The following MED21 variants were observed in gnomAD, a reference collection of about 807,000 sequenced individuals.
The protein encoded by MED21 is mediator of RNA polymerase II transcription subunit 21.
Under a neutral mutation model 18.2 loss-of-function variants are expected in MED21, and 9 were observed. That is an observed-to-expected ratio of 0.49 (90% CI 0.30 to 0.86). MED21 has a LOEUF of 0.86. MED21 is among the 40% of genes least tolerant of loss of function. MED21 has a pLI of 0.07. For synonymous variants in MED21, 73 were observed against 60.5 expected, an observed-to-expected ratio of 1.21 and a Z score of -0.96; for missense variants, 150 against 170.9, an observed-to-expected ratio of 0.88 and a Z score of 0.68.
intron 1 of MED21, among the ~76,000 whole-genome samples, chr12:27,025,897 C>A (rs1475856181): frequency 6.6e-6 from 1 of 152,174 alleles, no homozygotes; most frequent in Non-Finnish European, 1.5e-5. Context: ...TGAACAAATA[C>A]ATTTCTGCTT....
At chr12:27,031,578 T>G (rs1322630312), downstream of MED21, among the ~76,000 whole-genome samples, 1 of 152,164 alleles carries the variant, frequency 6.6e-6, no homozygotes, top group East Asian at 1.9e-4. Flanking sequence ...CATTATTGCT[T>G]TTTAATCCAG....
In MED21 at chr12:27,029,624, G is replaced by A. The variant is rs1422194058; in HGVS notation, c.*1163G>A. 1.0e-6 allele frequency: 1 copy of A among 985,394 alleles called. No homozygotes were observed. The highest frequency in any genetic ancestry group is 1.2e-6 in the Non-Finnish European group (1 of 829,892). 61.0% of individuals were successfully genotyped at this position (985,394 alleles called of 1,614,324 possible). A position where few individuals can be genotyped will look rare whatever the true frequency, so the allele number is the denominator to read the frequency against. ...TTCCACAGTTCTTGAAAAGTACTAT[G>A]TTTCAAATTTCAGGAACACCAGCGT... On this transcript the variant is annotated 3_prime_UTR_variant, in exon 4 of 4. Coordinates refer to ENST00000282892, the MANE Select transcript of MED21 (RefSeq NM_004264.5).
At chr12:27,032,770 T>C (rs1361175731), downstream of MED21, among the ~76,000 whole-genome samples, 2 of 152,216 alleles carry the variant, frequency 1.3e-5, no homozygotes, top group Non-Finnish European at 2.9e-5. Flanking sequence ...GTTGAACTAT[T>C]TGTACCCATA....
Position 27,028,660 on chromosome 12 carries a change from C to CCT in MED21, c.*199_*200insCT. ...AATCATGATTGAATCAGCTTTAAAG[C>CCT]ATCATACCATCATTTTTTAACTGAG... On this transcript the variant is annotated 3_prime_UTR_variant, in exon 4 of 4. Coordinates refer to ENST00000282892, the MANE Select transcript of MED21 (RefSeq NM_004264.5). 1 of 1,236,264 alleles carries CCT rather than the reference C, an allele frequency of 8.1e-7. No homozygotes were observed. The highest frequency in any genetic ancestry group is 1.0e-6 in the Non-Finnish European group (1 of 986,166). The allele number at this position is 1,236,264 out of a possible 1,614,324, so 76.6% of individuals were successfully genotyped here.
intron 2 of MED21, 95 bp from the exon 3 acceptor site, chr12:27,027,252 A>G: frequency 1.0e-5 from 8 of 792,920 alleles, no homozygotes; most frequent in Non-Finnish European, 1.4e-5. Flanking sequence ...TAGGGCAGAA[A>G]AAGCTATATG....
intron 2 of MED21, among the ~76,000 whole-genome samples, chr12:27,035,846 C>T (rs1941646490): frequency 6.6e-6 from 1 of 151,478 alleles, no homozygotes; most frequent in Admixed American, 6.6e-5. Flanking sequence ...CATTGTTGGA[C>T]ATTTGGGTTA....
intron 2 of MED21, chr12:27,037,147 G>A (rs1941654485): frequency 6.6e-6 from 1 of 150,662 alleles, no homozygotes; most frequent in Non-Finnish European, 1.5e-5. Context: ...TCTTGAAGAG[G>A]TCCTTCACGT....
At chr12:27,033,143 T>G (rs946650442), downstream of MED21, among the ~76,000 whole-genome samples, 1 of 152,310 alleles carries the variant, frequency 6.6e-6, no homozygotes, top group Admixed American at 6.5e-5. Context: ...AGTTCCTCTC[T>G]CCCTGTTTGT....
chr12:27,026,893 A>G (rs1287944987), intron 2 of MED21, among the ~76,000 whole-genome samples: 1 of 152,184 alleles, frequency 6.6e-6, no homozygotes, highest in African/African-American at 2.4e-5. Context: ...TTTGAGCTAA[A>G]TGTGTAACAG....
At chr12:27,024,319 A>T (rs1230992536) in intron 1 of MED21, among the ~76,000 whole-genome samples, 4 of 152,108 alleles carry the variant, frequency 2.6e-5, no homozygotes, top group Admixed American at 6.5e-5. Flanking sequence ...CTGTAAGCTA[A>T]TAACTTGGCA....
chr12:27,026,573 A>G lies in MED21; in HGVS notation c.157+39A>G, dbSNP rs188264510. On this transcript the variant is annotated intron_variant, in intron 2 of 3. Transcript: ENST00000282892. Reference sequence around the variant, plus strand: ...CTTAGCTTCTCTTAGTTTGACTCTCACATTTTTTGTAATCCTTTAAAATTA... The same window carrying G: ...CTTAGCTTCTCTTAGTTTGACTCTCGCATTTTTTGTAATCCTTTAAAATTA... The G allele has an allele frequency of 7.0e-6, 9 of 1,288,486 alleles. No homozygotes were observed. In the African/African-American group the frequency reaches 1.2e-4, roughly 17 times the overall value. The allele number at this position is 1,288,486 out of a possible 1,614,324, so 79.8% of individuals were successfully genotyped here. A position where few individuals can be genotyped will look rare whatever the true frequency, so the allele number is the denominator to read the frequency against.
intron 3 of MED21, among the ~76,000 whole-genome samples, 156 bp from the exon 4 acceptor site, chr12:27,028,129 A>T (rs111264577): frequency 2.3e-4 from 35 of 152,320 alleles, no homozygotes; most frequent in African/African-American, 6.7e-4. Context: ...AATAATTCAC[A>T]TGGGGAAAAT....
intron 2 of MED21, chr12:27,038,329 C>T (rs551791801): frequency 3.3e-5 from 5 of 149,346 alleles, no homozygotes; most frequent in South Asian, 2.1e-4. Flanking sequence ...AGGAATACAA[C>T]GAATATAACA....
chr12:27,026,556 C>T (rs1400514955), intron 2 of MED21, 22 bp downstream of exon 2: 1 of 1,493,046 alleles, frequency 6.7e-7, no homozygotes, highest in South Asian at 1.1e-5. Flanking sequence ...TTCTTAGCTT[C>T]TCTTAGTTTG....
At chr12:27,032,453 A>C (rs1426743359), downstream of MED21, among the ~76,000 whole-genome samples, 1 of 152,240 alleles carries the variant, frequency 6.6e-6, no homozygotes, top group Non-Finnish European at 1.5e-5. Flanking sequence ...CACAAATGCC[A>C]GCAAGAATAG....
chr12:27,038,939 G>C (rs1343890086), intron 2 of MED21: 2 of 152,158 alleles, frequency 1.3e-5, no homozygotes, highest in African/African-American at 4.8e-5. Context: ...CAATAAAGCT[G>C]TTATAAAAAA....
rs1281612167 is a variant in MED21, at chr12:27,029,375, T to C, written c.*914T>C. On this transcript the variant is annotated 3_prime_UTR_variant, in exon 4 of 4. Coordinates refer to ENST00000282892, the MANE Select transcript of MED21 (RefSeq NM_004264.5). ...TTTGTGTCAGCATTTTCAACTATGG[T>C]TATTCATCCAACCCTTGGATCTCTT... 1.0e-6 allele frequency: 1 copy of C among 985,282 alleles called. No homozygotes were observed. Among genetic ancestry groups the C allele is most frequent in the East Asian group, 1.1e-4 (1 of 8,834 alleles). The allele number at this position is 985,282 out of a possible 1,614,324, so 61.0% of individuals were successfully genotyped here.
At chr12:27,027,037 T>C (rs994799579) in intron 2 of MED21, among the ~76,000 whole-genome samples, 8 of 152,184 alleles carry the variant, frequency 5.3e-5, no homozygotes, top group African/African-American at 1.9e-4. Context: ...CAAGGAATTC[T>C]CCTGCCTCAG....
chr12:27,026,352 C>T, intron 1 of MED21, 68 bp from the exon 2 acceptor site: 3 of 878,468 alleles, frequency 3.4e-6, no homozygotes, highest in Non-Finnish European at 1.9e-6. Flanking sequence ...ATTGTTGTTG[C>T]CATTACCAAT....
Sources: allele counts gnomAD v4.1 joint callset (sites outside exome capture counted in the v4.1 genomes callset), GRCh38; gene constraint gnomAD v4.1.1; transcripts MANE v1.5; gene names NCBI Gene and HGNC (gene_info 2026-07-23, HGNC 2026-07-21).